KCNH5: variants seen among roughly 807,000 people sequenced by gnomAD.
The protein encoded by KCNH5 is voltage-gated delayed rectifier potassium channel KCNH5.
Under a neutral mutation model 96.1 loss-of-function variants are expected in KCNH5, and 46 were observed. The observed-to-expected ratio is 0.48, with a 90% CI of 0.38 to 0.61. KCNH5 has a LOEUF of 0.61. Ranked by LOEUF, KCNH5 falls within the 20% of genes least tolerant of loss-of-function variation. KCNH5 has a pLI of 0.00. For missense variants in KCNH5, 907 were observed against 1,225.8 expected (o/e 0.74, Z 3.88); for synonymous variants, 439 against 449.8 (o/e 0.98, Z 0.30).
At chr14:63,006,295 C>T in intron 3 of KCNH5, 71 bp downstream of exon 3, 1 of 901,722 alleles carries the variant, frequency 1.1e-6, no homozygotes, top group African/African-American at 1.6e-5. Context: ...TACATTTTAG[C>T]TCCACTACGA....
At chr14:62,965,481 T>C (rs1026022076) in intron 6 of KCNH5, among the ~76,000 whole-genome samples, 1 of 152,164 alleles carries the variant, frequency 6.6e-6, no homozygotes, top group Non-Finnish European at 1.5e-5. Context: ...CACAAGGTTA[T>C]GATGCAGCAT....
intron 7 of KCNH5, among the ~76,000 whole-genome samples, chr14:62,894,201 T>C (rs1158809090): frequency 6.6e-6 from 1 of 152,260 alleles, no homozygotes; most frequent in African/African-American, 2.4e-5. Context: ...TATTACAATA[T>C]TCACTTCACT....
At chr14:63,031,355 C>T (rs866782052) in intron 1 of KCNH5, among the ~76,000 whole-genome samples, 8 of 152,006 alleles carry the variant, frequency 5.3e-5, no homozygotes, top group African/African-American at 9.7e-5. Flanking sequence ...ATACACAAAT[C>T]ATGGGATCAA....
intron 10 of KCNH5, among the ~76,000 whole-genome samples, chr14:62,754,191 T>C (rs540834272): frequency 2.6e-5 from 4 of 152,270 alleles, no homozygotes; most frequent in African/African-American, 9.6e-5. Context: ...CTTAAAATAA[T>C]TGGTTATAAT....
At position 62,981,160 on chromosome 14, in the gene KCNH5, A is replaced by G. The variant is rs1240281376; in HGVS notation, c.654T>C (p.Asp218=). ...LHYCAFKTTW[D]WVILILTFYT... is the part of the protein sequence containing the mutation. ...AGAAGGTAAGAATTAAAATCACCCAATCCCAAGTAGTTTTAAAAGCACAAT... is the reference window on the plus strand; with the variant it reads ...AGAAGGTAAGAATTAAAATCACCCAGTCCCAAGTAGTTTTAAAAGCACAAT... The change falls in exon 6 of 11, where the codon GAT becomes GAC. Residue 218 remains aspartate (D), a synonymous_variant. Coordinates refer to ENST00000322893, the MANE Select transcript of KCNH5 (RefSeq NM_139318.5). 1 of 1,614,128 alleles carries G rather than the reference A, an allele frequency of 6.2e-7. No individual in the cohort carries two copies. The highest frequency in any genetic ancestry group is 2.2e-5 in the East Asian group (1 of 44,868).
At chr14:62,950,092 CCAATAA>C (rs756163396) in intron 7 of KCNH5, 35 bp downstream of exon 7, 3 of 1,569,704 alleles carry the variant, frequency 1.9e-6, no homozygotes, top group African/African-American at 1.4e-5. Flanking sequence ...AGGAAAATTG[CCAATAA>C]CAATAATTTT....
chr14:63,036,414 A>G (rs1891722433), intron 1 of KCNH5, among the ~76,000 whole-genome samples: 1 of 152,160 alleles, frequency 6.6e-6, no homozygotes, highest in Admixed American at 6.5e-5. Flanking sequence ...GACTAACATT[A>G]TACTGAATGG....
At chr14:63,020,858 A>C (rs1303623871) in intron 1 of KCNH5, among the ~76,000 whole-genome samples, 1 of 152,144 alleles carries the variant, frequency 6.6e-6, no homozygotes. Context: ...AGTTTTAGTA[A>C]AACAATGGTA....
At chr14:62,993,357 T>A (rs1029954094) in intron 4 of KCNH5, among the ~76,000 whole-genome samples, 1 of 152,026 alleles carries the variant, frequency 6.6e-6, no homozygotes, top group Non-Finnish European at 1.5e-5. Context: ...AAAAATGACA[T>A]TGGTATTTTG....
chr14:62,976,692 A>G (rs548956365), intron 6 of KCNH5, among the ~76,000 whole-genome samples: 4 of 152,310 alleles, frequency 2.6e-5, no homozygotes, highest in Non-Finnish European at 5.9e-5. Flanking sequence ...AATAGGTCAC[A>G]TGTAAAGGAA....
intron 9 of KCNH5, among the ~76,000 whole-genome samples, chr14:62,780,218 T>A (rs542910592): frequency 6.6e-6 from 1 of 152,322 alleles, no homozygotes; most frequent in Non-Finnish European, 1.5e-5. Flanking sequence ...CACCTTAACT[T>A]TTCCTATTTT....
chr14:62,711,825 T>C (rs1884575485), intron 10 of KCNH5, among the ~76,000 whole-genome samples: 3 of 152,014 alleles, frequency 2.0e-5, no homozygotes, highest in South Asian at 2.1e-4. Flanking sequence ...CTGTGTGAGG[T>C]GGGAAAGGTT....
rs1169958955 is a variant in KCNH5, at chr14:62,700,486, C to G, written c.*7022G>C. On this transcript the variant is annotated 3_prime_UTR_variant, in exon 11 of 11. Transcript: ENST00000322893. ...ACTTATTCCCTCTCTGATAAAGGGT[C>G]ATAAGAATAGCAATGTGAAAACATC... 6.6e-6 allele frequency: 1 copy of G among 152,104 alleles called. No homozygotes were observed. Among genetic ancestry groups the G allele is most frequent in the Non-Finnish European group, 1.5e-5 (1 of 67,988 alleles). The allele number at this position is 152,104 out of a possible 1,614,324, so 9.4% of individuals were successfully genotyped here.
rs994267639 is a variant in KCNH5, at chr14:62,771,353, G to A, written c.2019+8375C>T. On this transcript the variant is annotated intron_variant, in intron 10 of 10. Coordinates refer to ENST00000322893, the MANE Select transcript of KCNH5 (RefSeq NM_139318.5). The stretch of plus-strand genomic sequence containing the variant: ...TAATAAAAATGAGTCTAGGCCAGGC[G>A]CGGTGGCTCACACCTGTAATCCCAG... Among the ~76,000 whole-genome samples the A allele has an allele frequency of 7.9e-5, 12 of 152,122 alleles. No individual in the cohort carries two copies. The East Asian group carries it at 9.7e-4, about 12-fold the overall frequency.
chr14:62,986,482 C>A (rs1191481669), intron 5 of KCNH5, among the ~76,000 whole-genome samples: 1 of 152,136 alleles, frequency 6.6e-6, no homozygotes, highest in African/African-American at 2.4e-5. Flanking sequence ...ACCCTTTGTA[C>A]ATGCTGGCCT....
At chr14:62,821,504 C>T (rs979753701) in intron 8 of KCNH5, among the ~76,000 whole-genome samples, 1 of 152,064 alleles carries the variant, frequency 6.6e-6, no homozygotes, top group Non-Finnish European at 1.5e-5. Flanking sequence ...ACATGTTAGA[C>T]ATCAAACTAT....
chr14:62,906,106 C>T (rs1388729460), intron 7 of KCNH5, among the ~76,000 whole-genome samples: 1 of 152,196 alleles, frequency 6.6e-6, no homozygotes, highest in Non-Finnish European at 1.5e-5. Flanking sequence ...AATATCTAGA[C>T]CACAATCACT....
chr14:63,006,418 A>C lies in KCNH5; in HGVS notation c.252T>G (p.Thr84=), dbSNP rs1223162084. The C allele has an allele frequency of 6.2e-7, 1 of 1,613,370 alleles. No homozygotes were observed. The highest frequency in any genetic ancestry group is 8.5e-7 in the Non-Finnish European group (1 of 1,179,528). ...DKKTIEKVRQ[T]FDNYESNCFE... is the part of the protein sequence containing the mutation. ...AGCAGTTTGATTCGTAGTTGTCAAA[A>C]GTTTGCCTGACTTTCTCAATGGTCT... Residue 84 remains threonine, a synonymous_variant, in exon 3 of 11, where the codon ACT becomes ACG. Coordinates refer to ENST00000322893, the MANE Select transcript of KCNH5 (RefSeq NM_139318.5).
chr14:62,876,686 T>G (rs978667574), intron 7 of KCNH5, among the ~76,000 whole-genome samples: 2 of 152,214 alleles, frequency 1.3e-5, no homozygotes, highest in African/African-American at 4.8e-5. Context: ...ACATACTATA[T>G]AGCGACCTTT....
Sources: gnomAD v4.1 joint callset for allele counts (sites outside exome capture counted in the v4.1 genomes callset) on GRCh38, gnomAD v4.1.1 for gene constraint, MANE v1.5 for transcripts, NCBI Gene and HGNC (gene_info 2026-07-23, HGNC 2026-07-21) for gene names.